Variants in UNC5D observed in about 807,000 individuals in gnomAD.
UNC5D encodes the protein netrin receptor UNC5D.
In UNC5D, 39 loss-of-function variants were observed where a neutral mutation model predicts 105.4. The observed-to-expected ratio is 0.37, with a 90% CI of 0.29 to 0.48. UNC5D has a LOEUF of 0.48. Among genes scored for constraint, UNC5D ranks in the 20% least tolerant of loss-of-function variants. UNC5D has a pLI of 0.98. For missense variants in UNC5D, 991 were observed against 1,202.4 expected (o/e 0.82, Z 2.60); for synonymous variants, 452 against 450.4 (o/e 1.00, Z -0.04).
intron 1 of UNC5D, among the ~76,000 whole-genome samples, chr8:35,461,565 C>T (rs1234018210): frequency 6.6e-6 from 1 of 152,164 alleles, no homozygotes; most frequent in African/African-American, 2.4e-5. Context: ...AGAAGATGTG[C>T]ATCTATCCCA....
chr8:35,276,809 A>G (rs531242873), intron 1 of UNC5D, among the ~76,000 whole-genome samples: 42 of 152,344 alleles, frequency 2.8e-4, no homozygotes, highest in Middle Eastern at 3.4e-3. Context: ...AAAAGCCCAC[A>G]GAGTTTTGCC....
At position 35,726,542 on chromosome 8, in the gene UNC5D, T is replaced by G; in HGVS notation, c.1681+13T>G. ...ATGCCAAATACAGGTGGGTGGTAAGTGTGTGTTTGTGTATTTTCCATCATT... is the reference window on the plus strand; with the variant it reads ...ATGCCAAATACAGGTGGGTGGTAAGGGTGTGTTTGTGTATTTTCCATCATT... On this transcript the variant is annotated intron_variant, in intron 10 of 16. Coordinates refer to ENST00000404895, the MANE Select transcript of UNC5D (RefSeq NM_080872.4). 6.2e-7 allele frequency: 1 copy of G among 1,605,524 alleles called. No homozygotes were observed.
intron 1 of UNC5D, among the ~76,000 whole-genome samples, chr8:35,357,141 T>A (rs1383027526): frequency 2.0e-5 from 3 of 152,080 alleles, no homozygotes; most frequent in Non-Finnish European, 2.9e-5. Context: ...TTAACCAGTT[T>A]TATCTCCCTC....
intron 1 of UNC5D, among the ~76,000 whole-genome samples, chr8:35,308,116 ATGTGTG>A (rs34132311): frequency 9.5e-5 from 10 of 105,726 alleles, no homozygotes; most frequent in African/African-American, 2.1e-4. Flanking sequence ...GTCACAATGT[ATGTGTG>A]TGTGTGTGTG....
intron 8 of UNC5D, among the ~76,000 whole-genome samples, chr8:35,707,023 A>C (rs576086848): frequency 6.6e-5 from 10 of 152,336 alleles, no homozygotes; most frequent in African/African-American, 2.4e-4. Context: ...CTTGTGAAAG[A>C]CGTCCCTGCC....
At chr8:35,547,802 G>A (rs1815810298) in intron 1 of UNC5D, among the ~76,000 whole-genome samples, 1 of 152,078 alleles carries the variant, frequency 6.6e-6, no homozygotes, top group Admixed American at 6.5e-5. Context: ...CATTAGTCAG[G>A]GTTCTCTAGA....
intron 1 of UNC5D, among the ~76,000 whole-genome samples, chr8:35,461,369 C>G (rs1027705003): frequency 6.6e-6 from 1 of 152,104 alleles, no homozygotes. Context: ...TACTTCTATG[C>G]TACACGCGTG....
intron 13 of UNC5D, among the ~76,000 whole-genome samples, chr8:35,758,667 C>T (rs778596490): frequency 1.1e-4 from 17 of 152,126 alleles, no homozygotes; most frequent in Admixed American, 2.0e-4. Flanking sequence ...GATTGTATTA[C>T]GTAAAGATTT....
At chr8:35,555,865 TA>T (rs530760922) in intron 2 of UNC5D, among the ~76,000 whole-genome samples, 2 of 140,816 alleles carry the variant, frequency 1.4e-5, no homozygotes, top group African/African-American at 5.2e-5. Flanking sequence ...TAAAGATCTA[TA>T]AAAAAACAGC....
At chr8:35,567,683 C>G (rs1817447999) in intron 2 of UNC5D, among the ~76,000 whole-genome samples, 1 of 152,098 alleles carries the variant, frequency 6.6e-6, no homozygotes, top group African/African-American at 2.4e-5. Context: ...AATGACTCAC[C>G]CCAGCTGCCA....
chr8:35,466,637 T>A (rs1359228043), intron 1 of UNC5D, among the ~76,000 whole-genome samples: 1 of 152,188 alleles, frequency 6.6e-6, no homozygotes, highest in South Asian at 2.1e-4. Context: ...CATTCAAAAA[T>A]GGAAATTCAA....
intron 4 of UNC5D, among the ~76,000 whole-genome samples, chr8:35,619,739 G>C (rs1314615160): frequency 2.6e-5 from 4 of 152,192 alleles, no homozygotes; most frequent in Non-Finnish European, 5.9e-5. Flanking sequence ...ACAATCTTAA[G>C]AATCAGTAAC....
intron 14 of UNC5D, among the ~76,000 whole-genome samples, chr8:35,764,321 T>C (rs574711162): frequency 1.3e-5 from 2 of 152,264 alleles, no homozygotes; most frequent in African/African-American, 4.8e-5. Flanking sequence ...GATGATGTTT[T>C]TGGAGTCCTT....
intron 1 of UNC5D, among the ~76,000 whole-genome samples, chr8:35,523,295 C>T (rs1288883866): frequency 1.3e-5 from 2 of 152,010 alleles, no homozygotes; most frequent in Non-Finnish European, 2.9e-5. Flanking sequence ...GTTGCCCAGG[C>T]TGGTCTCGAA....
At chr8:35,296,665 C>A (rs1392863185) in intron 1 of UNC5D, among the ~76,000 whole-genome samples, 1 of 152,208 alleles carries the variant, frequency 6.6e-6, no homozygotes, top group Non-Finnish European at 1.5e-5. Flanking sequence ...AAGTGGTCCA[C>A]CTGCCTTGGC....
At chr8:35,518,040 G>A (rs545448381) in intron 1 of UNC5D, among the ~76,000 whole-genome samples, 1 of 151,090 alleles carries the variant, frequency 6.6e-6, no homozygotes, top group East Asian at 1.9e-4. Context: ...CATGAATTTT[G>A]GGGGGGGCAT....
chr8:35,615,990 C>T (rs775782008), intron 4 of UNC5D, among the ~76,000 whole-genome samples: 3 of 152,298 alleles, frequency 2.0e-5, no homozygotes, highest in Non-Finnish European at 2.9e-5. Flanking sequence ...ATACCAATAT[C>T]CCTAATATTG....
chr8:35,718,487 A>G (rs901482711), intron 8 of UNC5D, among the ~76,000 whole-genome samples: 2 of 152,172 alleles, frequency 1.3e-5, no homozygotes, highest in Admixed American at 1.3e-4. Flanking sequence ...TTCTCTTCTC[A>G]CAGTTGGAGG....
chr8:35,674,721 A>T (rs1284111501), intron 4 of UNC5D, among the ~76,000 whole-genome samples: 1 of 152,172 alleles, frequency 6.6e-6, no homozygotes, highest in South Asian at 2.1e-4. Context: ...GCTTCCGGGA[A>T]TCCCATCTTC....
Sources: gnomAD v4.1 joint callset for allele counts (sites outside exome capture counted in the v4.1 genomes callset) on GRCh38, gnomAD v4.1.1 for gene constraint, MANE v1.5 for transcripts, NCBI Gene and HGNC (gene_info 2026-07-23, HGNC 2026-07-21) for gene names.